The following SLC25A36 variants were observed in gnomAD, a reference collection of about 807,000 sequenced individuals.
SLC25A36 encodes epididymis secretory sperm binding protein.
A neutral mutation model predicts 35.3 loss-of-function variants in SLC25A36; 24 were observed. The ratio of observed to expected loss-of-function variants is 0.68; its 90% CI spans 0.49 to 0.96. SLC25A36 has a LOEUF of 0.96. Ranked by LOEUF, SLC25A36 falls within the 40% of genes least tolerant of loss-of-function variation. The probability of loss-of-function intolerance (pLI) is 0.00; values close to 1 mark genes in which losing one functional copy is unlikely to be tolerated. For missense variants in SLC25A36, 294 were observed against 381.1 expected, an observed-to-expected ratio of 0.77 and a Z score of 1.90; for synonymous variants, 141 against 132.2, an observed-to-expected ratio of 1.07 and a Z score of -0.46.
intron 3 of SLC25A36, among the ~76,000 whole-genome samples, chr3:140,962,919 T>C (rs1273499738): frequency 6.6e-6 from 1 of 151,968 alleles, no homozygotes; most frequent in Non-Finnish European, 1.5e-5. Flanking sequence ...GGTAGGAATT[T>C]TACATTTGAT....
chr3:140,969,353 C>A (rs1268619949), intron 4 of SLC25A36, among the ~76,000 whole-genome samples: 10 of 151,814 alleles, frequency 6.6e-5, no homozygotes, highest in Admixed American at 6.6e-4. Flanking sequence ...CTGCTCAACA[C>A]TTTAAATTTT....
chr3:140,957,513 G>A (rs1173340449), intron 2 of SLC25A36, among the ~76,000 whole-genome samples: 2 of 152,164 alleles, frequency 1.3e-5, no homozygotes, highest in Non-Finnish European at 2.9e-5. Flanking sequence ...AGGCTGAGGT[G>A]GGTGGATCAT....
At chr3:140,946,135 G>A (rs1934157566) in intron 1 of SLC25A36, among the ~76,000 whole-genome samples, 1 of 152,128 alleles carries the variant, frequency 6.6e-6, no homozygotes, top group Non-Finnish European at 1.5e-5. Flanking sequence ...GGACTGTCTT[G>A]TCTAGTAATT....
chr3:140,949,329 A>T (rs1188389588), intron 1 of SLC25A36, among the ~76,000 whole-genome samples: 2 of 152,230 alleles, frequency 1.3e-5, no homozygotes, highest in Non-Finnish European at 2.9e-5. Context: ...TAGGCTAGAG[A>T]TGTGTCCACA....
chr3:140,970,757 T>A, intron 4 of SLC25A36, 170 bp from the exon 5 acceptor site: 1 of 447,052 alleles, frequency 2.2e-6, no homozygotes. Context: ...TCATATAGAT[T>A]GGAAGTGAAG....
At chr3:140,968,993 G>A (rs1934835148) in intron 4 of SLC25A36, among the ~76,000 whole-genome samples, 1 of 151,756 alleles carries the variant, frequency 6.6e-6, no homozygotes, top group Non-Finnish European at 1.5e-5. Flanking sequence ...GTTGGTTTAT[G>A]CTGCTTAGCA....
intron 1 of SLC25A36, among the ~76,000 whole-genome samples, chr3:140,949,973 AC>A (rs1253955866): frequency 1.3e-5 from 2 of 152,114 alleles, no homozygotes; most frequent in African/African-American, 4.8e-5. Flanking sequence ...CTTCTACTCC[AC>A]CATTTTTTTC....
Position 140,958,977 on chromosome 3 carries a change from TG to T in SLC25A36, c.207-485del, listed in dbSNP as rs1366667210. On this transcript the variant is annotated intron_variant, in intron 2 of 6. Transcript: ENST00000324194. ...ACAATGTTTTGTGTGTGTGTGTGTG[TG>T]TGTGTGTGTGTGTGTGTGTGTGTGT... is the stretch of plus-strand genomic sequence containing the variant. 1.3e-3 allele frequency among the ~76,000 whole-genome samples: 171 copies of T among 136,398 alleles called. 2 individuals carry two copies. Among genetic ancestry groups the T allele is most frequent in the African/African-American group, 4.5e-3 (160 of 35,214 alleles). The allele number at this position is 136,398 out of a possible 152,430, so 89.5% of individuals were successfully genotyped here. A position where few individuals can be genotyped will look rare whatever the true frequency, so the allele number is the denominator to read the frequency against.
intron 1 of SLC25A36, among the ~76,000 whole-genome samples, chr3:140,954,309 G>T (rs894427547): frequency 2.6e-5 from 4 of 152,178 alleles, no homozygotes; most frequent in African/African-American, 9.7e-5. Flanking sequence ...CATTTGGGTT[G>T]TTCCCAGTTT....
At chr3:140,954,729 T>C (rs1386873855) in intron 1 of SLC25A36, among the ~76,000 whole-genome samples, 2 of 152,250 alleles carry the variant, frequency 1.3e-5, no homozygotes, top group African/African-American at 2.4e-5. Flanking sequence ...GTAAGCACTT[T>C]TGCAGGTAAT....
chr3:140,967,942 T>A (rs928965612), intron 4 of SLC25A36: 1 of 981,098 alleles, frequency 1.0e-6, no homozygotes, highest in Admixed American at 6.2e-5. Context: ...ATTGGCAAAT[T>A]ATGAAAATGT....
At chr3:140,975,913 A>G (rs1293281807) in intron 6 of SLC25A36, among the ~76,000 whole-genome samples, 1 of 152,120 alleles carries the variant, frequency 6.6e-6, no homozygotes, top group South Asian at 2.1e-4. Flanking sequence ...TCCTTTTTAT[A>G]TTCATCCTGG....
At chr3:140,942,660 G>A (rs951253113) in intron 1 of SLC25A36, 6 of 152,254 alleles carry the variant, frequency 3.9e-5, no homozygotes, top group African/African-American at 1.4e-4. Flanking sequence ...GCGCTCGCTT[G>A]GGCCTCTGCA....
chr3:140,958,821 T>G (rs1053347143), intron 2 of SLC25A36, among the ~76,000 whole-genome samples: 33 of 152,134 alleles, frequency 2.2e-4, no homozygotes, highest in African/African-American at 7.7e-4. Flanking sequence ...AGTAGCATGA[T>G]CATATGAAAA....
intron 1 of SLC25A36, among the ~76,000 whole-genome samples, chr3:140,952,632 T>G (rs911678633): frequency 6.6e-6 from 1 of 152,208 alleles, no homozygotes; most frequent in African/African-American, 2.4e-5. Context: ...TATGTGCCAC[T>G]TTACAAAATG....
rs1935161771 is a variant in SLC25A36 at position 140,980,725 on chromosome 3, A to T, written c.*4272A>T. Among the ~76,000 whole-genome samples, 1 of 85,846 alleles carries T rather than the reference A, an allele frequency of 1.2e-5. No homozygotes were observed. The highest frequency in any genetic ancestry group is 4.0e-5 in the African/African-American group (1 of 24,994). 56.3% of individuals were successfully genotyped at this position (85,846 alleles called of 152,430 possible). On this transcript the variant is annotated 3_prime_UTR_variant, in exon 7 of 7. Transcript: ENST00000324194. ...CCCCCCTTTTAATATATATACACGGAGCTTCACTCTTGTCACCCATGCTGG... is the reference window on the plus strand; with the variant it reads ...CCCCCCTTTTAATATATATACACGGTGCTTCACTCTTGTCACCCATGCTGG...
chr3:140,974,884 T>C (rs954528813), intron 6 of SLC25A36, among the ~76,000 whole-genome samples: 11 of 152,146 alleles, frequency 7.2e-5, no homozygotes, highest in South Asian at 2.1e-4. Flanking sequence ...TATGAACTTA[T>C]CTCAGTTTCC....
At chr3:140,961,444 CA>C (rs1934623772) in intron 3 of SLC25A36, among the ~76,000 whole-genome samples, 1 of 151,954 alleles carries the variant, frequency 6.6e-6, no homozygotes, top group African/African-American at 2.4e-5. Context: ...ATTGTATAAA[CA>C]ATGGTTCAGT....
intron 2 of SLC25A36, among the ~76,000 whole-genome samples, chr3:140,958,599 T>C (rs1168558846): frequency 7.9e-5 from 12 of 152,280 alleles, no homozygotes; most frequent in Admixed American, 7.2e-4. Context: ...AGGCCAACCA[T>C]TCTGGTACCT....
Sources: allele counts gnomAD v4.1 joint callset (sites outside exome capture counted in the v4.1 genomes callset), GRCh38; gene constraint gnomAD v4.1.1; transcripts MANE v1.5; gene names NCBI Gene and HGNC (gene_info 2026-07-23, HGNC 2026-07-21).